Variants in HYCC1 observed in about 807,000 individuals in gnomAD.
HYCC1 encodes the protein hyccin.
At chr7:22,926,290 C>A in the HYCC1 span, among the ~76,000 whole-genome samples, 6 of 152,060 alleles carry the variant, frequency 3.9e-5, no homozygotes, top group Admixed American at 3.9e-4. Flanking sequence ...AGCAAAATAA[C>A]CAGCTAACAT....
chr7:22,925,078 A>G, the HYCC1 span, among the ~76,000 whole-genome samples: 4 of 152,206 alleles, frequency 2.6e-5, no homozygotes, highest in African/African-American at 7.2e-5. Context: ...ACAGAGTCTG[A>G]AGTGGACCTC....
chr7:22,924,524 CAGG>C, the HYCC1 span, among the ~76,000 whole-genome samples: 3 of 152,338 alleles, frequency 2.0e-5, no homozygotes, highest in East Asian at 3.9e-4. Context: ...AACAGCACAC[CAGG>C]AGATTATATC....
the HYCC1 span, among the ~76,000 whole-genome samples, chr7:22,903,722 C>A: frequency 6.6e-6 from 1 of 152,148 alleles, no homozygotes; most frequent in South Asian, 2.1e-4. Context: ...GACAATAACT[C>A]TAATGTCAAA....
the HYCC1 span, among the ~76,000 whole-genome samples, chr7:22,900,724 G>T: frequency 1.6e-3 from 248 of 152,260 alleles, 3 homozygotes; most frequent in African/African-American, 5.8e-3. Context: ...GAAGGGTACA[G>T]ATGATGAGAT....
the HYCC1 span, among the ~76,000 whole-genome samples, chr7:22,900,691 A>T: frequency 6.6e-6 from 1 of 152,214 alleles, no homozygotes; most frequent in African/African-American, 2.4e-5. Flanking sequence ...AAACAATAAG[A>T]TGGGAACAGA....
the HYCC1 span, among the ~76,000 whole-genome samples, chr7:22,966,438 T>C: frequency 2.0e-5 from 3 of 152,190 alleles, no homozygotes; most frequent in African/African-American, 4.8e-5. Context: ...ACTACAGGCC[T>C]GTGCCACCAT....
the HYCC1 span, chr7:22,976,776 C>T: frequency 6.2e-7 from 1 of 1,613,316 alleles, no homozygotes; most frequent in Non-Finnish European, 8.5e-7. Flanking sequence ...ATAGTGCACT[C>T]TCAGTCAGAG....
At chr7:22,896,842 C>T in the HYCC1 span, among the ~76,000 whole-genome samples, 1 of 152,170 alleles carries the variant, frequency 6.6e-6, no homozygotes, top group African/African-American at 2.4e-5. Flanking sequence ...GCCACAGACA[C>T]TCAAGAAATA....
At chr7:22,999,217 T>A in the HYCC1 span, among the ~76,000 whole-genome samples, 1 of 152,306 alleles carries the variant, frequency 6.6e-6, no homozygotes, top group Non-Finnish European at 1.5e-5. Flanking sequence ...TATAAAAATA[T>A]CACAAACAAA....
the HYCC1 span, among the ~76,000 whole-genome samples, chr7:22,910,208 T>A: frequency 3.3e-5 from 5 of 152,330 alleles, no homozygotes; most frequent in Non-Finnish European, 7.3e-5. Flanking sequence ...GTGGGAGGTA[T>A]GCAGGTCATA....
At chr7:23,012,719 G>A in the HYCC1 span, among the ~76,000 whole-genome samples, 1 of 152,126 alleles carries the variant, frequency 6.6e-6, no homozygotes, top group African/African-American at 2.4e-5. Context: ...TGGAAATGTC[G>A]GGGGAGGTGG....
the HYCC1 span, among the ~76,000 whole-genome samples, chr7:22,977,744 G>GA: frequency 6.6e-6 from 1 of 152,078 alleles, no homozygotes; most frequent in African/African-American, 2.4e-5. Context: ...AATATGTGAA[G>GA]AAAATGACCT....
At chr7:23,002,144 A>G in the HYCC1 span, among the ~76,000 whole-genome samples, 3 of 22,382 alleles carry the variant, frequency 1.3e-4, no homozygotes, top group East Asian at 8.1e-3. Flanking sequence ...TTGTATATAT[A>G]TATATATATA....
the HYCC1 span, among the ~76,000 whole-genome samples, chr7:23,011,074 C>A: frequency 2.0e-5 from 3 of 152,178 alleles, no homozygotes; most frequent in African/African-American, 4.8e-5. Flanking sequence ...AAATTGTTAA[C>A]CTGTTCCTCC....
At chr7:22,941,578 T>A in the HYCC1 span, 3 of 152,102 alleles carry the variant, frequency 2.0e-5, no homozygotes, top group Non-Finnish European at 2.9e-5. Flanking sequence ...TGAAATAAAA[T>A]CTTGGGTTTA....
the HYCC1 span, among the ~76,000 whole-genome samples, chr7:23,007,144 A>G: frequency 6.6e-6 from 1 of 152,220 alleles, no homozygotes; most frequent in Non-Finnish European, 1.5e-5. Context: ...GAACAGTGAT[A>G]ATATAACAGG....
chr7:22,928,175 G>T, the HYCC1 span, among the ~76,000 whole-genome samples: 1 of 152,098 alleles, frequency 6.6e-6, no homozygotes, highest in Non-Finnish European at 1.5e-5. Context: ...AGGTATTGAT[G>T]GGATGTATCT....
the HYCC1 span, chr7:22,938,410 A>G: frequency 1.3e-5 from 2 of 152,210 alleles, no homozygotes; most frequent in East Asian, 3.8e-4. Context: ...CCAAAGCCCT[A>G]CAAATAATCT....
At chr7:22,946,055 C>G in the HYCC1 span, 2 of 1,613,724 alleles carry the variant, frequency 1.2e-6, no homozygotes, top group Non-Finnish European at 8.5e-7. Context: ...ATTGTGACTA[C>G]TGTTTGATAA....
Sources: gnomAD v4.1 joint callset for allele counts (sites outside exome capture counted in the v4.1 genomes callset) on GRCh38, gnomAD v4.1.1 for gene constraint, MANE v1.5 for transcripts, NCBI Gene and HGNC (gene_info 2026-07-23, HGNC 2026-07-21) for gene names.